PLCB1: variants seen among roughly 807,000 people sequenced by gnomAD.
PLCB1 encodes 1-phosphatidylinositol 4,5-bisphosphate phosphodiesterase beta-1.
PLCB1 carries 46 observed loss-of-function variants against 161.8 expected under a neutral mutation model. That is an observed-to-expected ratio of 0.28 (90% CI 0.22 to 0.36). The LOEUF is 0.36. Ranked by LOEUF, PLCB1 falls within the 10% of genes least tolerant of loss-of-function variation. PLCB1 has a pLI of 1.00. For missense variants in PLCB1, 1,016 were observed against 1,472.5 expected (o/e 0.69, Z 5.07); for synonymous variants, 517 against 503.7 (o/e 1.03, Z -0.35).
At chr20:8,849,441 C>T (rs1189234430) in intron 31 of PLCB1, among the ~76,000 whole-genome samples, 2 of 151,938 alleles carry the variant, frequency 1.3e-5, no homozygotes, top group Admixed American at 6.6e-5. Flanking sequence ...TTTGGGAGGC[C>T]GAGGCAGGCA....
At chr20:8,301,626 G>T (rs1202013919) in intron 2 of PLCB1, among the ~76,000 whole-genome samples, 1 of 152,080 alleles carries the variant, frequency 6.6e-6, no homozygotes, top group Non-Finnish European at 1.5e-5. Context: ...GATCCCCATT[G>T]TCCTTCTGGT....
intron 1 of PLCB1, among the ~76,000 whole-genome samples, chr20:8,141,599 C>T (rs2051403938): frequency 6.9e-6 from 1 of 145,958 alleles, no homozygotes; most frequent in African/African-American, 2.6e-5. Context: ...TGCATTCCAG[C>T]CTGGGCGACA....
chr20:8,668,207 T>G (rs1240161113), intron 9 of PLCB1, among the ~76,000 whole-genome samples: 4 of 151,466 alleles, frequency 2.6e-5, no homozygotes, highest in Non-Finnish European at 5.9e-5. Flanking sequence ...ACCCTAACCC[T>G]TAATAGAAAA....
intron 3 of PLCB1, among the ~76,000 whole-genome samples, chr20:8,513,181 C>G (rs1408425572): frequency 1.3e-5 from 2 of 152,120 alleles, no homozygotes; most frequent in African/African-American, 4.8e-5. Context: ...AGTTCAAGAA[C>G]AAGCAAAGTT....
At chr20:8,741,014 C>T (rs2123520187) in intron 22 of PLCB1, among the ~76,000 whole-genome samples, 1 of 152,296 alleles carries the variant, frequency 6.6e-6, no homozygotes, top group South Asian at 2.1e-4. Context: ...GTTATCCCAA[C>T]AGTCCGGAAA....
chr20:8,881,296 C>A (rs1987972184), intron 31 of PLCB1, among the ~76,000 whole-genome samples: 1 of 151,668 alleles, frequency 6.6e-6, no homozygotes, highest in Non-Finnish European at 1.5e-5. Context: ...TGAGCCACCA[C>A]GCCCAGACTC....
chr20:8,516,515 T>G (rs1051522019), intron 3 of PLCB1, among the ~76,000 whole-genome samples: 6 of 152,006 alleles, frequency 3.9e-5, no homozygotes, highest in Admixed American at 2.6e-4. Context: ...ATAGTTTCCC[T>G]TTTATACATG....
chr20:8,372,105 A>G (rs1986921724), intron 3 of PLCB1: 1 of 152,246 alleles, frequency 6.6e-6, no homozygotes, highest in Non-Finnish European at 1.5e-5. Context: ...TTGTCTTGCC[A>G]TCAAAGTTAA....
chr20:8,267,543 C>T (rs1430210226), intron 2 of PLCB1, among the ~76,000 whole-genome samples: 1 of 152,174 alleles, frequency 6.6e-6, no homozygotes, highest in East Asian at 1.9e-4. Flanking sequence ...GAGTCACTCT[C>T]AAGAAATCAC....
At chr20:8,304,970 A>G (rs1984068347) in intron 2 of PLCB1, among the ~76,000 whole-genome samples, 1 of 152,148 alleles carries the variant, frequency 6.6e-6, no homozygotes, top group Admixed American at 6.5e-5. Context: ...CTAGTTTTCT[A>G]TGGGGAACTG....
chr20:8,698,316 A>G (rs2123429518), intron 11 of PLCB1, among the ~76,000 whole-genome samples: 1 of 152,280 alleles, frequency 6.6e-6, no homozygotes, highest in East Asian at 1.9e-4. Context: ...ATTTATATGC[A>G]GCCCTAAATG....
At chr20:8,357,835 C>T (rs1338691151) in intron 2 of PLCB1, among the ~76,000 whole-genome samples, 1 of 152,174 alleles carries the variant, frequency 6.6e-6, no homozygotes, top group Non-Finnish European at 1.5e-5. Flanking sequence ...GAAAAGTCAT[C>T]CAAGGACTGT....
In PLCB1 at chr20:8,744,231, T is replaced by C. The variant is rs186431194; in HGVS notation, c.2523+2658T>C. On this transcript the variant is annotated intron_variant, in intron 23 of 31. Transcript: ENST00000338037. ...TGGATGAATTTTATTCTGTAAGAAA[T>C]AGAGGTTAAACAAAAGCATTTTCAA... Among the ~76,000 whole-genome samples, 43 of 152,128 alleles carry C rather than the reference T, an allele frequency of 2.8e-4. 1 individual carries two copies. Among genetic ancestry groups the C allele is most frequent in the African/African-American group, 8.9e-4 (37 of 41,504 alleles).
intron 3 of PLCB1, among the ~76,000 whole-genome samples, chr20:8,467,573 G>A (rs1255727457): frequency 6.6e-6 from 1 of 152,040 alleles, no homozygotes; most frequent in Non-Finnish European, 1.5e-5. Context: ...TATAATAAAG[G>A]CCTCTATGAA....
intron 9 of PLCB1, among the ~76,000 whole-genome samples, chr20:8,664,715 GAGCTCA>G (rs569427126): frequency 1.2e-3 from 189 of 152,184 alleles, no homozygotes; most frequent in African/African-American, 4.5e-3. Flanking sequence ...CTATATCCAG[GAGCTCA>G]AGTCATGTTA....
chr20:8,287,546 A>T (rs1377162695), intron 2 of PLCB1, among the ~76,000 whole-genome samples: 4 of 152,182 alleles, frequency 2.6e-5, no homozygotes, highest in African/African-American at 9.7e-5. Context: ...GCAATTACTC[A>T]GTACCAGTCC....
chr20:8,759,212 A>G (rs1981890195), intron 24 of PLCB1, among the ~76,000 whole-genome samples: 1 of 152,130 alleles, frequency 6.6e-6, no homozygotes, highest in African/African-American at 2.4e-5. Context: ...ATGCATTTTG[A>G]CAAGAGCACC....
At chr20:8,240,934 A>C (rs1980578359) in intron 2 of PLCB1, among the ~76,000 whole-genome samples, 1 of 152,010 alleles carries the variant, frequency 6.6e-6, no homozygotes, top group South Asian at 2.1e-4. Context: ...TGGTCATTTA[A>C]ATCAATGAGT....
chr20:8,883,758 T>G lies in PLCB1; in HGVS notation c.*1909T>G, dbSNP rs1988077501. The G allele has an allele frequency of 6.6e-6, 1 of 152,380 alleles. No individual in the cohort carries two copies. The highest frequency in any genetic ancestry group is 6.6e-5 in the Admixed American group (1 of 15,228). 9.4% of individuals were successfully genotyped at this position (152,380 alleles called of 1,614,324 possible). A position where few individuals can be genotyped will look rare whatever the true frequency, so the allele number is the denominator to read the frequency against. On this transcript the variant is annotated 3_prime_UTR_variant, in exon 32 of 32. Transcript: ENST00000338037. ...CACATCCTCTTTGGAGATGATTATA[T>G]TTTGATCTGAAGGGTTTGGGGTGTT...
Sources: gnomAD v4.1 joint callset for allele counts (sites outside exome capture counted in the v4.1 genomes callset) on GRCh38, gnomAD v4.1.1 for gene constraint, MANE v1.5 for transcripts, NCBI Gene and HGNC (gene_info 2026-07-23, HGNC 2026-07-21) for gene names.